Variants in CNTN4 observed in about 807,000 individuals in gnomAD.
CNTN4 encodes contactin 4.
A neutral mutation model predicts 122.5 loss-of-function variants in CNTN4; 77 were observed. That is an observed-to-expected ratio of 0.63 (90% CI 0.52 to 0.76). The LOEUF (loss-of-function observed/expected upper bound fraction) is 0.76. CNTN4 is among the 30% of genes least tolerant of loss of function. The pLI is 0.00. For missense variants in CNTN4, 1,256 were observed against 1,259.1 expected (o/e 1.00, Z 0.04); for synonymous variants, 512 against 447.0 (o/e 1.15, Z -1.83).
At chr3:2,937,848 A>G (rs1457444112) in intron 13 of CNTN4, among the ~76,000 whole-genome samples, 1 of 152,068 alleles carries the variant, frequency 6.6e-6, no homozygotes, top group South Asian at 2.1e-4. Flanking sequence ...AGAGAGGAAG[A>G]GAGGGAAGGG....
chr3:2,521,347 C>CACCCCG (rs11391495), intron 3 of CNTN4, among the ~76,000 whole-genome samples: 1 of 73,984 alleles, frequency 1.4e-5, no homozygotes, highest in East Asian at 7.6e-4. Flanking sequence ...TACCCATCCC[C>CACCCCG]CCCACCCCCC....
chr3:2,353,577 C>T lies in CNTN4; in HGVS notation c.-89+14344C>T, dbSNP rs549310143. Among the ~76,000 whole-genome samples the T allele has an allele frequency of 2.0e-5, 3 of 152,182 alleles. No individual in the cohort carries two copies. In the East Asian group the frequency reaches 5.8e-4, roughly 29 times the overall value. On this transcript the variant is annotated intron_variant, in intron 3 of 24. Transcript: ENST00000418658. ...CCTGAGGCCAGCGAGACCACGAACC[C>T]ACCGGGAGGAATGAGCAACTCTGGA...
chr3:2,628,741 T>C (rs1329152007), intron 4 of CNTN4, among the ~76,000 whole-genome samples: 1 of 152,226 alleles, frequency 6.6e-6, no homozygotes, highest in Non-Finnish European at 1.5e-5. Flanking sequence ...TAGACAGTGG[T>C]AACTGCCATA....
At chr3:2,792,500 T>C (rs1027098726) in intron 6 of CNTN4, among the ~76,000 whole-genome samples, 1 of 152,262 alleles carries the variant, frequency 6.6e-6, no homozygotes. Context: ...CATCTTTTCA[T>C]TTGCAGCTGA....
intron 3 of CNTN4, among the ~76,000 whole-genome samples, chr3:2,543,496 G>A (rs535942678): frequency 2.6e-5 from 4 of 152,156 alleles, no homozygotes; most frequent in South Asian, 2.1e-4. Flanking sequence ...CAGTGTGTAC[G>A]GGTTTAGCAC....
At chr3:2,589,522 C>T (rs1244366591) in intron 4 of CNTN4, among the ~76,000 whole-genome samples, 1 of 152,164 alleles carries the variant, frequency 6.6e-6, no homozygotes, top group Non-Finnish European at 1.5e-5. Flanking sequence ...AAGATGATAT[C>T]TGAATTGTGC....
chr3:2,528,773 A>G lies in CNTN4; in HGVS notation c.-88-42643A>G, dbSNP rs192963347. Among the ~76,000 whole-genome samples the G allele has an allele frequency of 4.8e-4, 73 of 152,214 alleles. 3 individuals carry two copies. The Middle Eastern group carries it at 0.014, about 28-fold the overall frequency. ...CTTAATACTCCATAATTAGCCTACAATATAATAATTTGTTTCCACCTTTAG... is the reference window on the plus strand; with the variant it reads ...CTTAATACTCCATAATTAGCCTACAGTATAATAATTTGTTTCCACCTTTAG... On this transcript the variant is annotated intron_variant, in intron 3 of 24. Coordinates refer to ENST00000418658, the MANE Select transcript of CNTN4 (RefSeq NM_175607.3).
At chr3:3,043,298 A>G (rs1454211366) in intron 22 of CNTN4, 135 bp downstream of exon 22, 1 of 917,368 alleles carries the variant, frequency 1.1e-6, no homozygotes, top group African/African-American at 1.6e-5. Context: ...TCAGCATTTT[A>G]ACTGAACCTT....
chr3:2,272,516 A>T (rs2041339549), intron 2 of CNTN4, among the ~76,000 whole-genome samples: 1 of 152,184 alleles, frequency 6.6e-6, no homozygotes, highest in African/African-American at 2.4e-5. Flanking sequence ...CAATTTGTAC[A>T]TTAAAGTTAT....
At chr3:2,503,155 T>C (rs1209274608) in intron 3 of CNTN4, among the ~76,000 whole-genome samples, 5 of 152,062 alleles carry the variant, frequency 3.3e-5, no homozygotes, top group African/African-American at 9.7e-5. Context: ...ACTCAAGATA[T>C]AGTTAAGCTG....
intron 23 of CNTN4, among the ~76,000 whole-genome samples, chr3:3,050,636 G>T (rs1446420199): frequency 6.6e-6 from 1 of 151,958 alleles, no homozygotes; most frequent in Admixed American, 6.6e-5. Flanking sequence ...GGTGGCGCAT[G>T]CCTGTAATGT....
intron 3 of CNTN4, among the ~76,000 whole-genome samples, chr3:2,411,930 G>T (rs2047239203): frequency 1.3e-5 from 2 of 152,102 alleles, no homozygotes; most frequent in Non-Finnish European, 1.5e-5. Flanking sequence ...TCAAGATAGA[G>T]AATATTTCCA....
intron 3 of CNTN4, among the ~76,000 whole-genome samples, chr3:2,514,611 T>C (rs1382620862): frequency 3.3e-5 from 5 of 152,170 alleles, no homozygotes; most frequent in African/African-American, 1.2e-4. Context: ...CTAGTAACAG[T>C]GAAAGATTGA....
At chr3:2,787,943 C>G (rs969596471) in intron 6 of CNTN4, among the ~76,000 whole-genome samples, 1 of 152,070 alleles carries the variant, frequency 6.6e-6, no homozygotes, top group East Asian at 1.9e-4. Context: ...GCATCCGCCA[C>G]CACGCCTGGC....
chr3:2,699,034 A>AG, intron 4 of CNTN4, among the ~76,000 whole-genome samples: 1 of 152,208 alleles, frequency 6.6e-6, no homozygotes, highest in South Asian at 2.1e-4. Context: ...AAAAAAAAAA[A>AG]AGAACCTGGG....
intron 13 of CNTN4, among the ~76,000 whole-genome samples, chr3:2,983,155 A>G (rs1694200448): frequency 8.0e-6 from 1 of 124,328 alleles, no homozygotes; most frequent in Admixed American, 1.0e-4. Context: ...TGGAGCTTGC[A>G]GTGAGCCGAG....
At chr3:2,678,834 T>A (rs1180819668) in intron 4 of CNTN4, among the ~76,000 whole-genome samples, 2 of 152,184 alleles carry the variant, frequency 1.3e-5, no homozygotes, top group Non-Finnish European at 2.9e-5. Flanking sequence ...TAGGACTGCA[T>A]GGCTTTTCTC....
At chr3:2,304,388 G>C (rs1193215390) in intron 2 of CNTN4, among the ~76,000 whole-genome samples, 1 of 152,074 alleles carries the variant, frequency 6.6e-6, no homozygotes, top group Non-Finnish European at 1.5e-5. Flanking sequence ...GAAAATATTA[G>C]TTGGATTATT....
intron 7 of CNTN4, among the ~76,000 whole-genome samples, chr3:2,837,876 A>C (rs1218124693): frequency 6.6e-6 from 1 of 152,176 alleles, no homozygotes; most frequent in Non-Finnish European, 1.5e-5. Flanking sequence ...TTTGCTTCCC[A>C]CTGGTAGACT....
Sources: allele counts gnomAD v4.1 joint callset (sites outside exome capture counted in the v4.1 genomes callset), GRCh38; gene constraint gnomAD v4.1.1; transcripts MANE v1.5; gene names NCBI Gene and HGNC (gene_info 2026-07-23, HGNC 2026-07-21).